The following GASK1A variants were observed in gnomAD, a reference collection of about 807,000 sequenced individuals.
GASK1A encodes the protein Golgi-associated kinase 1A.
GASK1A carries 40 observed loss-of-function variants against 41.2 expected under a neutral mutation model. The observed-to-expected ratio is 0.97, with a 90% confidence interval of 0.75 to 1.27. The LOEUF is 1.27. Ranked by LOEUF, GASK1A falls within the 50% of genes most tolerant of loss-of-function variation. GASK1A has a pLI of 0.00. For missense variants in GASK1A, 678 were observed against 745.1 expected (o/e 0.91, Z 1.05); for synonymous variants, 316 against 307.1 (o/e 1.03, Z -0.30).
chr3:43,011,364 G>C (rs562677711), intron 1 of GASK1A, among the ~76,000 whole-genome samples: 23 of 142,442 alleles, frequency 1.6e-4, no homozygotes, highest in Non-Finnish European at 2.1e-4. Context: ...CCTGGCGACA[G>C]AGTGAGACTC....
Position 43,056,460 on chromosome 3 carries a change from C to T in GASK1A, c.*74C>T. 1 of 1,336,146 alleles carries T rather than the reference C, an allele frequency of 7.5e-7. No homozygotes were observed. Among genetic ancestry groups the T allele is most frequent in the Non-Finnish European group, 1.0e-6 (1 of 996,434 alleles). 82.8% of individuals were successfully genotyped at this position (1,336,146 alleles called of 1,614,324 possible). A position where few individuals can be genotyped will look rare whatever the true frequency, so the allele number is the denominator to read the frequency against. ...TTCTTGGGCTCACTCATCTTGAGGA[C>T]AAATGGGAAAAGCCAGAAGCCAGAG... On this transcript the variant is annotated 3_prime_UTR_variant, in exon 5 of 5. Transcript: ENST00000430121.
intron 1 of GASK1A, among the ~76,000 whole-genome samples, chr3:43,019,443 G>A (rs544211786): frequency 6.6e-6 from 1 of 152,264 alleles, no homozygotes; most frequent in South Asian, 2.1e-4. Flanking sequence ...CTGACTTTGG[G>A]AAATCAAGGA....
chr3:43,009,512 G>A (rs747943387), intron 1 of GASK1A, among the ~76,000 whole-genome samples: 23 of 152,340 alleles, frequency 1.5e-4, no homozygotes, highest in Middle Eastern at 6.8e-3. Context: ...GAAGGGCTTG[G>A]TCTCTGCAGG....
At chr3:43,013,484 A>G (rs1252700932) in intron 1 of GASK1A, among the ~76,000 whole-genome samples, 4 of 150,906 alleles carry the variant, frequency 2.7e-5, no homozygotes, top group Non-Finnish European at 5.9e-5. Flanking sequence ...GGCTGTGTCA[A>G]GTCACAGGAA....
intron 1 of GASK1A, among the ~76,000 whole-genome samples, chr3:43,009,536 TTGGA>T (rs2089453221): frequency 6.6e-6 from 1 of 152,086 alleles, no homozygotes; most frequent in African/African-American, 2.4e-5. Context: ...GAGGCCAGAG[TTGGA>T]ATCTCAGCTC....
intron 1 of GASK1A, among the ~76,000 whole-genome samples, chr3:42,993,609 A>G (rs1296428127): frequency 1.3e-5 from 2 of 152,216 alleles, no homozygotes; most frequent in South Asian, 2.1e-4. Flanking sequence ...CTTTGGTGTT[A>G]AAAAGATTCA....
chr3:43,043,885 C>G (rs1324139372), intron 2 of GASK1A, among the ~76,000 whole-genome samples: 2 of 152,166 alleles, frequency 1.3e-5, no homozygotes, highest in Non-Finnish European at 2.9e-5. Context: ...GGCTGCTAGT[C>G]TGCTACTGTT....
rs1488479982 is a variant in GASK1A at position 43,032,740 on chromosome 3, C to T, written c.477C>T (p.Pro159=). Residue 159 remains proline (P), a synonymous_variant, in exon 2 of 5, where the codon CCC becomes CCT. Coordinates refer to ENST00000430121, the MANE Select transcript of GASK1A (RefSeq NM_001129908.3). Reference sequence around the variant, plus strand: ...TGGGCCACCCCCAGCATGGCAGTCCCATCCAGGAGACACAGAGTGAGGTGG... The same window carrying T: ...TGGGCCACCCCCAGCATGGCAGTCCTATCCAGGAGACACAGAGTGAGGTGG... ...KDLGHPQHGS[P]IQETQSEVVT... The T allele has an allele frequency of 7.7e-6, 12 of 1,551,392 alleles. No homozygotes were observed. Among genetic ancestry groups the T allele is most frequent in the Non-Finnish European group, 1.0e-5 (12 of 1,146,990 alleles).
chr3:43,039,337 T>G (rs929189517), intron 2 of GASK1A, among the ~76,000 whole-genome samples: 5 of 151,680 alleles, frequency 3.3e-5, no homozygotes, highest in African/African-American at 7.3e-5. Context: ...TGAGTAGCTG[T>G]GATTACAGGC....
intron 1 of GASK1A, among the ~76,000 whole-genome samples, chr3:43,020,253 C>CTCCT (rs777667427): frequency 6.6e-6 from 1 of 152,212 alleles, no homozygotes; most frequent in African/African-American, 2.4e-5. Context: ...ACTGTAAACT[C>CTCCT]TAAGTACGGT....
chr3:43,035,317 A>G (rs2089599198), intron 2 of GASK1A, among the ~76,000 whole-genome samples: 1 of 152,130 alleles, frequency 6.6e-6, no homozygotes, highest in Non-Finnish European at 1.5e-5. Flanking sequence ...AGTACCCTCC[A>G]GGTAGTGTGG....
chr3:43,036,273 C>A (rs563416715), intron 2 of GASK1A, among the ~76,000 whole-genome samples: 1 of 152,202 alleles, frequency 6.6e-6, no homozygotes, highest in African/African-American at 2.4e-5. Context: ...AAGCACCCCC[C>A]GTCTGGCTAA....
chr3:43,018,153 C>G (rs1456700991), intron 1 of GASK1A, among the ~76,000 whole-genome samples: 3 of 152,232 alleles, frequency 2.0e-5, no homozygotes, highest in Non-Finnish European at 1.5e-5. Flanking sequence ...TAGCACCCTC[C>G]TATACTCACA....
At chr3:43,028,478 T>C (rs1350957243) in intron 1 of GASK1A, among the ~76,000 whole-genome samples, 1 of 152,102 alleles carries the variant, frequency 6.6e-6, no homozygotes, top group African/African-American at 2.4e-5. Flanking sequence ...AGACTAAATA[T>C]GTATGGCATA....
chr3:42,982,394 A>G (rs932797410), intron 1 of GASK1A, among the ~76,000 whole-genome samples: 1 of 152,244 alleles, frequency 6.6e-6, no homozygotes, highest in African/African-American at 2.4e-5. Context: ...TACAGGAACC[A>G]TGATTATCAT....
At chr3:43,040,664 GT>G (rs2089631649) in intron 2 of GASK1A, among the ~76,000 whole-genome samples, 1 of 152,062 alleles carries the variant, frequency 6.6e-6, no homozygotes, top group Admixed American at 6.5e-5. Flanking sequence ...TTCAGGTTGG[GT>G]TATTCCTTGG....
chr3:43,056,212 G>T lies in GASK1A; in HGVS notation c.1554G>T (p.Gly518=). ...PESAVKVLAS[G]CLQNMLLKSL... ...CTGCCGTGAAGGTTCTCGCATCAGG[G>T]TGTCTACAGAACATGCTGCTGAAGT... The change falls in exon 5 of 5, where the codon GGG becomes GGT. Residue 518 remains glycine (G), a synonymous_variant. Transcript: ENST00000430121. 1 of 1,551,688 alleles carries T rather than the reference G, an allele frequency of 6.4e-7. No homozygotes were observed. Among genetic ancestry groups the T allele is most frequent in the Non-Finnish European group, 8.7e-7 (1 of 1,146,968 alleles).
intron 1 of GASK1A, among the ~76,000 whole-genome samples, chr3:42,994,086 T>G (rs1013468803): frequency 2.0e-5 from 3 of 152,224 alleles, no homozygotes; most frequent in African/African-American, 7.2e-5. Flanking sequence ...CTTTTTCCAC[T>G]CAATCAACCT....
chr3:43,011,898 G>A (rs148633964), intron 1 of GASK1A, among the ~76,000 whole-genome samples: 1,614 of 151,846 alleles, frequency 0.011, 15 homozygotes, highest in Admixed American at 0.015. Flanking sequence ...CATAGGAAGG[G>A]GTAGTGTGAA....
Sources: gnomAD v4.1 joint callset for allele counts (sites outside exome capture counted in the v4.1 genomes callset) on GRCh38, gnomAD v4.1.1 for gene constraint, MANE v1.5 for transcripts, NCBI Gene and HGNC (gene_info 2026-07-23, HGNC 2026-07-21) for gene names.